The following KIF16B variants were observed in gnomAD, a reference collection of about 807,000 sequenced individuals.
KIF16B encodes kinesin family member 16B.
In KIF16B, 98 loss-of-function variants were observed where a neutral mutation model predicts 156.3. The ratio of observed to expected loss-of-function variants is 0.63; its 90% CI spans 0.53 to 0.74. The LOEUF (loss-of-function observed/expected upper bound fraction) is 0.74. Among genes scored for constraint, KIF16B ranks in the 30% least tolerant of loss-of-function variants. KIF16B has a pLI of 0.00. For synonymous variants in KIF16B, 564 were observed against 583.7 expected, an observed-to-expected ratio of 0.97 and a Z score of 0.49; for missense variants, 1,421 against 1,606.5, an observed-to-expected ratio of 0.88 and a Z score of 1.97.
At chr20:16,395,862 A>C (rs1249562437) in intron 17 of KIF16B, among the ~76,000 whole-genome samples, 1 of 152,162 alleles carries the variant, frequency 6.6e-6, no homozygotes, top group Admixed American at 6.5e-5. Flanking sequence ...ATAAATAAAT[A>C]AAAAGGATAG....
At chr20:16,356,612 G>C (rs2064448153) in intron 22 of KIF16B, among the ~76,000 whole-genome samples, 160 bp from the exon 23 acceptor site, 1 of 152,178 alleles carries the variant, frequency 6.6e-6, no homozygotes, top group Non-Finnish European at 1.5e-5. Context: ...CTTTGAAAGA[G>C]AAAAGCTAAG....
chr20:16,365,409 TA>T (rs2064642339), intron 22 of KIF16B, among the ~76,000 whole-genome samples: 1 of 152,100 alleles, frequency 6.6e-6, no homozygotes, highest in Non-Finnish European at 1.5e-5. Context: ...AGGTATAAGG[TA>T]ATAAGGTATT....
intron 9 of KIF16B, 90 bp from the exon 10 acceptor site, chr20:16,504,637 C>T: frequency 9.3e-7 from 1 of 1,079,606 alleles, no homozygotes; most frequent in African/African-American, 1.6e-5. Flanking sequence ...GTCAGATTAA[C>T]CCCAGGTCAT....
At chr20:16,291,735 A>G (rs952637081) in intron 25 of KIF16B, among the ~76,000 whole-genome samples, 1 of 152,350 alleles carries the variant, frequency 6.6e-6, no homozygotes, top group African/African-American at 2.4e-5. Flanking sequence ...TGTATTGACT[A>G]AGCTATTACT....
At chr20:16,563,840 A>G (rs953672656) in intron 1 of KIF16B, among the ~76,000 whole-genome samples, 3 of 152,222 alleles carry the variant, frequency 2.0e-5, no homozygotes, top group African/African-American at 4.8e-5. Flanking sequence ...ATATTTTAAA[A>G]TATTGTATAA....
chr20:16,551,129 C>G (rs1205011110), intron 1 of KIF16B, among the ~76,000 whole-genome samples: 2 of 93,880 alleles, frequency 2.1e-5, no homozygotes, highest in African/African-American at 7.2e-5. Flanking sequence ...GGGGCTTTCT[C>G]TTCTTTTTTT....
chr20:16,390,199 C>T (rs545428144), intron 17 of KIF16B, among the ~76,000 whole-genome samples: 2 of 152,316 alleles, frequency 1.3e-5, no homozygotes, highest in South Asian at 4.1e-4. Context: ...AAGGTACTCA[C>T]TAAAGACTTT....
chr20:16,302,080 C>T (rs73234330), intron 25 of KIF16B, among the ~76,000 whole-genome samples: 3,779 of 152,246 alleles, frequency 0.025, 144 homozygotes, highest in African/African-American at 0.085. Flanking sequence ...CTGTAGATTC[C>T]CTTCTCATCC....
At chr20:16,460,445 C>T (rs1267783063) in intron 12 of KIF16B, among the ~76,000 whole-genome samples, 1 of 152,056 alleles carries the variant, frequency 6.6e-6, no homozygotes, top group East Asian at 1.9e-4. Context: ...GTAGCAGGTG[C>T]CTGTAATCCC....
At chr20:16,468,066 T>C (rs1267307222) in intron 12 of KIF16B, among the ~76,000 whole-genome samples, 1 of 152,050 alleles carries the variant, frequency 6.6e-6, no homozygotes, top group Non-Finnish European at 1.5e-5. Context: ...AATAAACCAA[T>C]GAAAAGACAT....
At chr20:16,484,984 G>A (rs2068076912) in intron 12 of KIF16B, among the ~76,000 whole-genome samples, 1 of 152,134 alleles carries the variant, frequency 6.6e-6, no homozygotes, top group African/African-American at 2.4e-5. Context: ...ATTCCTTTGG[G>A]TATTCCCCAC....
In KIF16B at chr20:16,555,706, T is replaced by C. The variant is rs568372495; in HGVS notation, c.47+17523A>G. On this transcript the variant is annotated intron_variant, in intron 1 of 25. Coordinates refer to ENST00000354981, the MANE Select transcript of KIF16B (RefSeq NM_024704.5). ...ACCTTTATTCAGTACTGATTAGTGA[T>C]AGCTACCTCTCAAAAGTCAGAGAAG... 2.0e-5 allele frequency among the ~76,000 whole-genome samples: 3 copies of C among 152,274 alleles called. No homozygotes were observed. The East Asian group carries it at 5.8e-4, about 29-fold the overall frequency.
At chr20:16,517,192 C>T (rs1320306823) in intron 3 of KIF16B, among the ~76,000 whole-genome samples, 7 of 152,224 alleles carry the variant, frequency 4.6e-5, no homozygotes. Flanking sequence ...GATCCATCTT[C>T]CCACTGACTT....
chr20:16,569,876 A>G (rs78755436), intron 1 of KIF16B, among the ~76,000 whole-genome samples: 2 of 152,204 alleles, frequency 1.3e-5, no homozygotes, highest in African/African-American at 2.4e-5. Flanking sequence ...GTAAAAAAAA[A>G]GCCTTTCATC....
intron 12 of KIF16B, among the ~76,000 whole-genome samples, chr20:16,485,484 G>C (rs147727850): frequency 2.0e-5 from 3 of 152,334 alleles, no homozygotes; most frequent in Non-Finnish European, 4.4e-5. Context: ...ATTCGAAGAT[G>C]AGCAAAATGT....
At chr20:16,569,711 T>A (rs1262550850) in intron 1 of KIF16B, among the ~76,000 whole-genome samples, 1 of 152,202 alleles carries the variant, frequency 6.6e-6, no homozygotes, top group Non-Finnish European at 1.5e-5. Context: ...CATTAACAAC[T>A]TCCTTCAATC....
chr20:16,272,806 A>G lies in KIF16B; in HGVS notation c.*447T>C, dbSNP rs1389583667. On this transcript the variant is annotated 3_prime_UTR_variant, in exon 26 of 26. Coordinates refer to ENST00000354981, the MANE Select transcript of KIF16B (RefSeq NM_024704.5). ...CTTTTCTTGGAATATAGCCAGCCAC[A>G]TGGAAGAAATATAAAAAATACGAGT... 6.5e-6 allele frequency: 1 copy of G among 153,356 alleles called. No homozygotes were observed. Among genetic ancestry groups the G allele is most frequent in the Non-Finnish European group, 1.5e-5 (1 of 68,696 alleles). 9.5% of individuals were successfully genotyped at this position (153,356 alleles called of 1,614,324 possible). A position where few individuals can be genotyped will look rare whatever the true frequency, so the allele number is the denominator to read the frequency against.
At chr20:16,355,150 A>C (rs1480489875) in intron 23 of KIF16B, among the ~76,000 whole-genome samples, 1 of 152,132 alleles carries the variant, frequency 6.6e-6, no homozygotes, top group African/African-American at 2.4e-5. Flanking sequence ...GTGACATCTG[A>C]AAAGAGGGAT....
At chr20:16,431,936 A>ACACACACACACACACACG (rs990835534) in intron 12 of KIF16B, among the ~76,000 whole-genome samples, 70 of 151,212 alleles carry the variant, frequency 4.6e-4, no homozygotes, top group African/African-American at 1.6e-3. Context: ...ACACACACAC[A>ACACACACACACACACACG]CACGCACAAG....
Sources: gnomAD v4.1 joint callset for allele counts (sites outside exome capture counted in the v4.1 genomes callset) on GRCh38, gnomAD v4.1.1 for gene constraint, MANE v1.5 for transcripts, NCBI Gene and HGNC (gene_info 2026-07-23, HGNC 2026-07-21) for gene names.